ATP2A1: variants seen among roughly 807,000 people sequenced by gnomAD.
The protein encoded by ATP2A1 is ATPase sarcoplasmic/endoplasmic reticulum Ca2+ transporting 1, also known as sarcoplasmic/endoplasmic reticulum calcium ATPase 1.
A neutral mutation model predicts 109.5 loss-of-function variants in ATP2A1; 83 were observed. The observed-to-expected ratio is 0.76, with a 90% CI of 0.63 to 0.91. The LOEUF is 0.91. Ranked by LOEUF, ATP2A1 falls within the 40% of genes least tolerant of loss-of-function variation. ATP2A1 has a pLI of 0.00. For synonymous variants in ATP2A1, 505 were observed against 537.6 expected, an observed-to-expected ratio of 0.94 and a Z score of 0.84; for missense variants, 1,101 against 1,341.0, an observed-to-expected ratio of 0.82 and a Z score of 2.80.
Position 28,904,243 on chromosome 16 carries a change from C to T in ATP2A1, c.*101C>T, listed in dbSNP as rs1021089741. On this transcript the variant is annotated 3_prime_UTR_variant, in exon 23 of 23. Transcript: ENST00000395503. ...TCTGTCCTCCCCACCCCGATAGTGA[C>T]ACATCTTCAGGCAGAGCTGTGGCAC... The T allele has an allele frequency of 1.9e-6, 3 of 1,613,620 alleles. No individual in the cohort carries two copies. The highest frequency in any genetic ancestry group is 2.2e-5 in the East Asian group (1 of 44,888).
Position 28,881,010 on chromosome 16 carries a change from G to C in ATP2A1, c.315G>C (p.Gly105=), listed in dbSNP as rs749001057. The C allele has an allele frequency of 6.8e-6, 11 of 1,613,956 alleles. No individual in the cohort carries two copies. The African/African-American group carries it at 1.1e-4, about 16-fold the overall frequency. The change falls in exon 4 of 23, where the codon GGG becomes GGC. Residue 105 remains glycine (G), a synonymous_variant. Transcript: ENST00000395503. ...LLILIANAIV[G]VWQERNAENA... ...TCCTCATTGCCAATGCCATCGTGGG[G>C]GTTTGGCAGGTTAGCGTTGACCCTT...
In ATP2A1 at chr16:28,900,595, C is replaced by A. The variant is rs746872537; in HGVS notation, c.1779C>A (p.Phe593Leu). 3.2e-6 allele frequency: 5 copies of A among 1,567,406 alleles called. No homozygotes were observed. In the South Asian group the frequency reaches 4.8e-5, roughly 15 times the overall value. The change falls in exon 15 of 23, where the codon TTC becomes TTA. Residue 593 changes from phenylalanine to leucine, a missense_variant. Transcript: ENST00000395503. ...RFLEYETDLT[F>L]VGVVGMLDPP... ...TATCTCCCCAGACGGACCTGACATTCGTGGGTGTAGTGGGCATGCTGGACC... is the reference window on the plus strand; with the variant it reads ...TATCTCCCCAGACGGACCTGACATTAGTGGGTGTAGTGGGCATGCTGGACC...
chr16:28,900,001 A>G (rs1401812670), intron 14 of ATP2A1, among the ~76,000 whole-genome samples: 1 of 150,784 alleles, frequency 6.6e-6, no homozygotes, highest in Non-Finnish European at 1.5e-5. Flanking sequence ...AAAAAAGGAA[A>G]GACACGATTT....
chr16:28,898,536 C>A lies in ATP2A1; in HGVS notation c.1764+85C>A. 1 of 1,423,714 alleles carries A rather than the reference C, an allele frequency of 7.0e-7. No individual in the cohort carries two copies. Among genetic ancestry groups the A allele is most frequent in the Non-Finnish European group, 9.7e-7 (1 of 1,033,918 alleles). 88.2% of individuals were successfully genotyped at this position (1,423,714 alleles called of 1,614,324 possible). On this transcript the variant is annotated intron_variant, in intron 14 of 22. Coordinates refer to ENST00000395503, the MANE Select transcript of ATP2A1 (RefSeq NM_004320.6). This position sits in a 1 kb window ranked among gnomAD's most constrained non-coding sequence, Gnocchi z 4.0. ...CCACTCACAGCTCCACCACCCGGAT[C>A]ATTTCCTACCTCGTCAGTCAAGTTG...
In ATP2A1 at chr16:28,878,924, GGAA is replaced by G; in HGVS notation, c.118+141_118+143del. The G allele has an allele frequency of 3.8e-6, 5 of 1,332,358 alleles. No individual in the cohort carries two copies. In the South Asian group the frequency reaches 5.9e-5, roughly 16 times the overall value. The allele number at this position is 1,332,358 out of a possible 1,614,324, so 82.5% of individuals were successfully genotyped here. ...GGGCCGTTGTCCAATGCTCGCAGGG[GGAA>G]GAAGATACTGAGAAAACAGAGTCCC... On this transcript the variant is annotated intron_variant, in intron 1 of 22. Transcript: ENST00000395503.
chr16:28,888,945 G>A lies in ATP2A1; in HGVS notation c.1087G>A (p.Val363Ile), dbSNP rs1363523631. The change falls in exon 9 of 23, where the codon GTC becomes ATC. Residue 363 changes from valine (V) to isoleucine (I), a missense_variant. Physicochemically the swap from Val to Ile is conservative, Grantham distance 29 (BLOSUM62 3). Transcript: ENST00000395503. ...CACCCTCACCACCAACCAGATGTCT[G>A]TCTGCAAGGTCAGGAGCAGTGTGGG... Reference protein sequence around the residue: ...TGTLTTNQMSVCKMFIIDKVD... With the variant: ...TGTLTTNQMSICKMFIIDKVD... 1.2e-6 allele frequency: 2 copies of A among 1,614,146 alleles called. No individual in the cohort carries two copies. The highest frequency in any genetic ancestry group is 1.7e-6 in the Non-Finnish European group (2 of 1,180,016).
chr16:28,901,361 G>C (rs1964068004), intron 15 of ATP2A1, among the ~76,000 whole-genome samples: 2 of 150,836 alleles, frequency 1.3e-5, no homozygotes, highest in Non-Finnish European at 1.5e-5. Flanking sequence ...GGTGGGCGGA[G>C]GGGCTCATGC....
chr16:28,904,419 A>C lies in ATP2A1; in HGVS notation c.*277A>C. On this transcript the variant is annotated 3_prime_UTR_variant, in exon 23 of 23. Coordinates refer to ENST00000395503, the MANE Select transcript of ATP2A1 (RefSeq NM_004320.6). ...GGGGCTTGCAGGGACAAGGCGACCG[A>C]CTGCGCTGAGCTGCTTATTTATTGA... 3 of 1,533,588 alleles carry C rather than the reference A, an allele frequency of 2.0e-6. No homozygotes were observed. The highest frequency in any genetic ancestry group is 2.6e-6 in the Non-Finnish European group (3 of 1,145,542). 95.0% of individuals were successfully genotyped at this position (1,533,588 alleles called of 1,614,324 possible). A position where few individuals can be genotyped will look rare whatever the true frequency, so the allele number is the denominator to read the frequency against.
chr16:28,903,146 C>T lies in ATP2A1; in HGVS notation c.2861C>T (p.Pro954Leu), dbSNP rs201113816. The T allele has an allele frequency of 1.2e-5, 19 of 1,613,484 alleles. No homozygotes were observed. The highest frequency in any genetic ancestry group is 4.5e-5 in the East Asian group (2 of 44,862). Reference sequence around the variant, plus strand: ...CTCATCCTCTATGTTGACCCCCTGCCGGTGAGGTTTCTTCCGCCCAGGGCC... The same window carrying T: ...CTCATCCTCTATGTTGACCCCCTGCTGGTGAGGTTTCTTCCGCCCAGGGCC... The part of the protein sequence containing the change: ...HFLILYVDPL[P>L]MIFKLRALDL... The change falls in exon 20 of 23, where the codon CCG (proline) becomes CTG (leucine). Residue 954 changes from proline (P) to leucine (L), a missense_variant and splice_region_variant. Physicochemically the swap from Pro to Leu is moderately conservative, Grantham distance 98. Coordinates refer to ENST00000395503, the MANE Select transcript of ATP2A1 (RefSeq NM_004320.6). The surrounding 1 kb of genome is among the most constrained non-coding windows in gnomAD (Gnocchi z 5.6).
chr16:28,881,146 T>C, intron 4 of ATP2A1, 127 bp downstream of exon 4: 1 of 967,168 alleles, frequency 1.0e-6, no homozygotes, highest in Non-Finnish European at 1.6e-6. Flanking sequence ...TATCCCCTGG[T>C]CTGGAATGGG....
chr16:28,904,145 GC>G (rs769187152), intron 22 of ATP2A1, 34 bp from the exon 23 acceptor site: 36 of 1,583,060 alleles, frequency 2.3e-5, no homozygotes, highest in Non-Finnish European at 2.9e-5. Context: ...CTGCCCTCCT[GC>G]CGCCTGCCTC....
chr16:28,892,246 A>G (rs1032697001), intron 9 of ATP2A1: 2 of 211,430 alleles, frequency 9.5e-6, no homozygotes. Flanking sequence ...GAAATGTCAA[A>G]CGTCAGCTTG....
At position 28,892,873 on chromosome 16, in the gene ATP2A1, C is replaced by T. The variant is rs1054044718; in HGVS notation, c.1096-1282C>T. Among the ~76,000 whole-genome samples the T allele has an allele frequency of 6.0e-5, 9 of 150,928 alleles. No homozygotes were observed. In the South Asian group the frequency reaches 1.3e-3, roughly 21 times the overall value. ...CAGCCTGGCCAACATGGCGAAATTC[C>T]GTCTCTACTAAAAATACAAAATTAG... On this transcript the variant is annotated intron_variant, in intron 9 of 22. Transcript: ENST00000395503.
chr16:28,882,308 T>C, intron 4 of ATP2A1, 143 bp from the exon 5 acceptor site: 1 of 1,281,672 alleles, frequency 7.8e-7, no homozygotes, highest in Non-Finnish European at 1.1e-6. Flanking sequence ...CTCTCACCTG[T>C]TTTCACCTGT....
rs143386621 is a variant in ATP2A1 at position 28,891,247 on chromosome 16, G to T, written c.1095+2294G>T. On this transcript the variant is annotated intron_variant, in intron 9 of 22. Coordinates refer to ENST00000395503, the MANE Select transcript of ATP2A1 (RefSeq NM_004320.6). ...GGAGGTGGAGGTTGCAGTGAGCTGA[G>T]ATTGCGCCATTGCACCCCAGCCTAG... Among the ~76,000 whole-genome samples, 388 of 151,412 alleles carry T rather than the reference G, an allele frequency of 2.6e-3. 1 individual carries two copies. Among genetic ancestry groups the T allele is most frequent in the African/African-American group, 9.2e-3 (381 of 41,288 alleles).
chr16:28,887,831 T>C lies in ATP2A1; in HGVS notation c.928+109T>C, dbSNP rs762628362. The C allele has an allele frequency of 5.9e-5, 83 of 1,404,820 alleles. No homozygotes were observed. In the East Asian group the frequency reaches 1.1e-3, roughly 19 times the overall value. 87.0% of individuals were successfully genotyped at this position (1,404,820 alleles called of 1,614,324 possible). On this transcript the variant is annotated intron_variant, in intron 8 of 22. Transcript: ENST00000395503. The stretch of plus-strand genomic sequence containing the variant: ...TTTTTTGTTTTTTGAGATGGAGTCT[T>C]GCTCTGTCACCCAGGCTGGAGTGCA...
intron 5 of ATP2A1, among the ~76,000 whole-genome samples, chr16:28,882,967 T>C (rs577853057): frequency 1.3e-5 from 2 of 152,236 alleles, no homozygotes; most frequent in East Asian, 3.9e-4. Context: ...AGTCTTGACC[T>C]CTCTGTGCCC....
rs1567490413 is a variant in ATP2A1 at position 28,900,569 on chromosome 16, G to GT, written c.1765-11dup. 1 of 1,550,062 alleles carries GT rather than the reference G, an allele frequency of 6.5e-7. No individual in the cohort carries two copies. Among genetic ancestry groups the GT allele is most frequent in the South Asian group, 1.2e-5 (1 of 80,988 alleles). On this transcript the variant is annotated splice_polypyrimidine_tract_variant and intron_variant, in intron 14 of 22. Coordinates refer to ENST00000395503, the MANE Select transcript of ATP2A1 (RefSeq NM_004320.6). ...CCCACCTGACCTGTGGCTCTCTGCTGTATCTCCCCAGACGGACCTGACATT... is the reference window on the plus strand; with the variant it reads ...CCCACCTGACCTGTGGCTCTCTGCTGTTATCTCCCCAGACGGACCTGACATT...
intron 9 of ATP2A1, among the ~76,000 whole-genome samples, chr16:28,892,059 G>A (rs976472631): frequency 2.0e-5 from 3 of 152,132 alleles, no homozygotes; most frequent in African/African-American, 7.2e-5. Context: ...GGGAGTTCTC[G>A]CAGTGGGTCT....
Sources: gnomAD v4.1 joint callset for allele counts (sites outside exome capture counted in the v4.1 genomes callset) on GRCh38, gnomAD v4.1.1 for gene constraint, Gnocchi (gnomAD v3.1) non-coding constraint, MANE v1.5 for transcripts, NCBI Gene and HGNC (gene_info 2026-07-23, HGNC 2026-07-21) for gene names.